JADE3: variants seen among roughly 807,000 people sequenced by gnomAD.
JADE3 encodes jade family PHD finger 3.
Under a neutral mutation model 50.1 loss-of-function variants are expected in JADE3, and 2 were observed. That is an observed-to-expected ratio of 0.04 (90% CI 0.02 to 0.13). The LOEUF is 0.13. JADE3 is among the 10% of genes least tolerant of loss of function. JADE3 has a pLI of 1.00. For missense variants in JADE3, 475 were observed against 634.4 expected, an observed-to-expected ratio of 0.75 and a Z score of 2.70; for synonymous variants, 218 against 232.9, an observed-to-expected ratio of 0.94 and a Z score of 0.58.
At chrX:46,917,056 T>C (rs1466175886) in intron 1 of JADE3, among the ~76,000 whole-genome samples, 1 of 111,813 alleles carries the variant, frequency 8.9e-6, no homozygotes, top group Non-Finnish European at 1.9e-5. Flanking sequence ...TACCACTTGC[T>C]CTTGGCCAGT....
At chrX:46,962,329 A>C (rs1927280014) in intron 1 of JADE3, among the ~76,000 whole-genome samples, 2 of 112,219 alleles carry the variant, frequency 1.8e-5, no homozygotes, top group East Asian at 5.6e-4. Context: ...CACTGACACC[A>C]AGCACACACT....
intron 1 of JADE3, among the ~76,000 whole-genome samples, chrX:46,963,084 G>A (rs1030319242): frequency 1.8e-5 from 2 of 111,339 alleles, no homozygotes; most frequent in African/African-American, 3.3e-5. Context: ...TGGTCCACCC[G>A]CCTCGGCCTC....
chrX:46,925,822 TA>T (rs35435904), intron 1 of JADE3, among the ~76,000 whole-genome samples: 20,085 of 79,494 alleles, frequency 0.25, 3,066 homozygotes, highest in African/African-American at 0.47. Context: ...AGACTCCGTC[TA>T]AAAAAAAAAA....
intron 1 of JADE3, among the ~76,000 whole-genome samples, chrX:46,920,562 T>G (rs1461584112): frequency 2.7e-5 from 3 of 112,678 alleles, no homozygotes; most frequent in African/African-American, 9.7e-5. Context: ...GTTTGCAGTT[T>G]ATTGGGGTAA....
rs1327634816 is a variant in JADE3 at position 47,045,636 on chromosome X, T to C, written c.972+6571T>C. ...ATGGAGTATTCTCAAGGATAGACCA[T>C]GTGTCAGGTGCCAAAACAAGTCTTA... is the stretch of plus-strand genomic sequence containing the variant. On this transcript the variant is annotated intron_variant, in intron 8 of 10. Coordinates refer to ENST00000614628, the MANE Select transcript of JADE3 (RefSeq NM_014735.5). Among the ~76,000 whole-genome samples, 15 of 112,543 alleles carry C rather than the reference T, an allele frequency of 1.3e-4. No individual in the cohort carries two copies. The South Asian group carries it at 1.5e-3, about 11-fold the overall frequency.
intron 1 of JADE3, 148 bp downstream of exon 1, chrX:46,912,867 G>A (rs1925994562): frequency 8.9e-6 from 1 of 112,161 alleles, no homozygotes; most frequent in Non-Finnish European, 1.9e-5. Flanking sequence ...GGGTCGCTCC[G>A]GTTCCACATC....
intron 1 of JADE3, among the ~76,000 whole-genome samples, chrX:46,974,446 G>A (rs183123567): frequency 1.8e-5 from 2 of 111,174 alleles, no homozygotes; most frequent in African/African-American, 6.5e-5. Context: ...ACATGGGCAG[G>A]AATTCACCCT....
intron 1 of JADE3, among the ~76,000 whole-genome samples, chrX:46,981,783 A>G (rs181643547): frequency 1.6e-3 from 183 of 112,311 alleles, no homozygotes; most frequent in African/African-American, 5.6e-3. Flanking sequence ...TGTGCAACCA[A>G]TCACCAAAGG....
chrX:46,943,423 A>G (rs1173344357), intron 1 of JADE3, among the ~76,000 whole-genome samples: 5 of 111,987 alleles, frequency 4.5e-5, no homozygotes, highest in African/African-American at 1.6e-4. Context: ...GTTGGATTTT[A>G]TCAAAAGCTT....
rs1929714631 is a variant in JADE3 at position 47,059,513 on chromosome X, C to G, written c.*436C>G. 8.5e-6 allele frequency: 1 copy of G among 117,889 alleles called. No homozygotes were observed. 9.7% of individuals were successfully genotyped at this position (117,889 alleles called of 1,213,427 possible). On this transcript the variant is annotated 3_prime_UTR_variant, in exon 11 of 11. Transcript: ENST00000614628. ...TCCTGTCTGTAGGAAGTTTCTAATTCCACTGGTATCTATAAACCCTTTTCA... is the reference window on the plus strand; with the variant it reads ...TCCTGTCTGTAGGAAGTTTCTAATTGCACTGGTATCTATAAACCCTTTTCA...
intron 1 of JADE3, among the ~76,000 whole-genome samples, chrX:46,964,970 G>A (rs1353698691): frequency 8.9e-6 from 1 of 111,934 alleles, no homozygotes; most frequent in South Asian, 3.7e-4. Context: ...AGGGCTTCTC[G>A]TCAAGATGGC....
chrX:47,045,433 A>G (rs1929350494), intron 8 of JADE3, among the ~76,000 whole-genome samples: 1 of 112,825 alleles, frequency 8.9e-6, no homozygotes, highest in African/African-American at 3.2e-5. Flanking sequence ...TTAAAGAGAT[A>G]GACCTCAATA....
At position 47,058,250 on chromosome X, in the gene JADE3, A is replaced by G. The variant is rs184045617; in HGVS notation, c.1645A>G (p.Thr549Ala). The G allele has an allele frequency of 4.3e-5, 52 of 1,207,465 alleles. No individual in the cohort carries two copies. The highest frequency in any genetic ancestry group is 1.8e-4 in the African/African-American group (10 of 56,686). Reference sequence around the variant, plus strand: ...CTTGAAGTTAAAAATGCCCAAATCAACCCCAGAAGACCACAGAAACAGCTC... The same window carrying G: ...CTTGAAGTTAAAAATGCCCAAATCAGCCCCAGAAGACCACAGAAACAGCTC... ...ITLKLKMPKS[T>A]PEDHRNSSTE... The change falls in exon 11 of 11, where the codon ACC (threonine) becomes GCC (alanine). Residue 549 changes from threonine (T) to alanine (A), a missense_variant. Coordinates refer to ENST00000614628, the MANE Select transcript of JADE3 (RefSeq NM_014735.5).
At chrX:47,002,899 T>C (rs1323092108) in intron 4 of JADE3, among the ~76,000 whole-genome samples, 36 of 111,615 alleles carry the variant, frequency 3.2e-4, no homozygotes, top group Non-Finnish European at 4.1e-4. Flanking sequence ...AGGCTTTCAG[T>C]CTTTCAATAT....
intron 8 of JADE3, among the ~76,000 whole-genome samples, chrX:47,046,295 T>G (rs1306847793): frequency 1.8e-5 from 2 of 111,592 alleles, no homozygotes; most frequent in African/African-American, 6.5e-5. Context: ...GTGAACAGAT[T>G]CCTAGACACA....
At chrX:46,979,765 A>G (rs782753169) in intron 1 of JADE3, among the ~76,000 whole-genome samples, 7 of 111,063 alleles carry the variant, frequency 6.3e-5, no homozygotes, top group African/African-American at 2.3e-4. Flanking sequence ...TAAGTATGTA[A>G]TAATATCTTG....
At chrX:46,927,021 G>A (rs1556339064) in intron 1 of JADE3, among the ~76,000 whole-genome samples, 1 of 112,129 alleles carries the variant, frequency 8.9e-6, no homozygotes, top group Non-Finnish European at 1.9e-5. Context: ...TAAATACCTG[G>A]GAGTATGATG....
chrX:47,057,009 A>G (rs1370088345), intron 10 of JADE3, among the ~76,000 whole-genome samples: 2 of 111,897 alleles, frequency 1.8e-5, no homozygotes, highest in Non-Finnish European at 3.8e-5. Flanking sequence ...TCTGAGTGTC[A>G]TGGGTCTCAA....
intron 1 of JADE3, among the ~76,000 whole-genome samples, chrX:46,935,716 A>G (rs1254336153): frequency 8.1e-5 from 9 of 110,848 alleles, no homozygotes; most frequent in Non-Finnish European, 1.5e-4. Context: ...CCTGGTGCCA[A>G]AAAGGTTGGG....
Sources: allele counts gnomAD v4.1 joint callset (sites outside exome capture counted in the v4.1 genomes callset), GRCh38; gene constraint gnomAD v4.1.1; transcripts MANE v1.5; gene names NCBI Gene and HGNC (gene_info 2026-07-23, HGNC 2026-07-21).